FER: variants seen among roughly 807,000 people sequenced by gnomAD.
FER encodes tyrosine-protein kinase Fer.
In FER, 63 loss-of-function variants were observed where a neutral mutation model predicts 111.0. The ratio of observed to expected loss-of-function variants is 0.57; its 90% CI spans 0.46 to 0.70. The LOEUF (loss-of-function observed/expected upper bound fraction) is 0.70, where lower values mean the gene tolerates loss of function less well. Ranked by LOEUF, FER falls within the 30% of genes least tolerant of loss-of-function variation. The pLI, the probability that FER is intolerant of heterozygous loss-of-function variation, is 0.00. For synonymous variants in FER, 327 were observed against 313.9 expected (o/e 1.04, Z -0.44); for missense variants, 914 against 954.0 (o/e 0.96, Z 0.55).
At chr5:108,798,522 G>A in intron 3 of FER, 133 bp downstream of exon 3, 1 of 777,652 alleles carries the variant, frequency 1.3e-6, no homozygotes, top group Non-Finnish European at 2.1e-6. Flanking sequence ...TACAGAGTAT[G>A]AAAATCTCAT....
At chr5:108,892,674 A>G (rs1257245573) in intron 9 of FER, among the ~76,000 whole-genome samples, 1 of 152,130 alleles carries the variant, frequency 6.6e-6, no homozygotes, top group Non-Finnish European at 1.5e-5. Flanking sequence ...TAGTTTAATT[A>G]GATCCCGTTT....
rs896042253 is a variant in FER, at chr5:108,967,684, C to T, written c.1656+8337C>T. Among the ~76,000 whole-genome samples, 8 of 136,024 alleles carry T rather than the reference C, an allele frequency of 5.9e-5. No individual in the cohort carries two copies. In the South Asian group the frequency reaches 7.4e-4, roughly 13 times the overall value. 89.2% of individuals were successfully genotyped at this position (136,024 alleles called of 152,430 possible). On this transcript the variant is annotated intron_variant, in intron 13 of 19. Coordinates refer to ENST00000281092, the MANE Select transcript of FER (RefSeq NM_005246.4). ...CTAAGGCAGGAGAATCGCTTGAACC[C>T]GGGAGGTGGAGGCTGTAGTGAGCCA...
intron 13 of FER, among the ~76,000 whole-genome samples, chr5:109,023,826 G>C (rs1376319467): frequency 6.6e-6 from 1 of 152,082 alleles, no homozygotes; most frequent in Non-Finnish European, 1.5e-5. Context: ...GTTGTGGTTT[G>C]CTTAAAAGGA....
chr5:109,193,552 C>G lies in FER; in HGVS notation c.*5977C>G, dbSNP rs187286000. 1.3e-5 allele frequency: 2 copies of G among 152,156 alleles called. No individual in the cohort carries two copies. The highest frequency in any genetic ancestry group is 2.9e-5 in the Non-Finnish European group (2 of 67,968). 9.4% of individuals were successfully genotyped at this position (152,156 alleles called of 1,614,324 possible). A position where few individuals can be genotyped will look rare whatever the true frequency, so the allele number is the denominator to read the frequency against. ...GTGTTCTACAAAATAATGAACTGTT[C>G]TAAGTGACAGTGTTGATGCTGGAAG... On this transcript the variant is annotated 3_prime_UTR_variant, in exon 20 of 20. Transcript: ENST00000281092.
At chr5:109,171,368 C>G (rs1407624310) in intron 17 of FER, among the ~76,000 whole-genome samples, 1 of 152,180 alleles carries the variant, frequency 6.6e-6, no homozygotes, top group African/African-American at 2.4e-5. Flanking sequence ...TAGTCCAGAA[C>G]TTCCAACAAT....
intron 5 of FER, among the ~76,000 whole-genome samples, chr5:108,845,033 T>TATATATAC (rs1761834020): frequency 1.8e-5 from 1 of 54,474 alleles, no homozygotes; most frequent in Non-Finnish European, 3.5e-5. Context: ...TATATATATA[T>TATATATAC]ATATATACAT....
intron 13 of FER, among the ~76,000 whole-genome samples, chr5:109,026,616 G>A (rs1768776058): frequency 1.3e-5 from 2 of 152,064 alleles, no homozygotes; most frequent in African/African-American, 4.8e-5. Flanking sequence ...AATAGAGATA[G>A]CAAATATTTC....
chr5:109,002,692 A>T (rs1764953283), intron 13 of FER, among the ~76,000 whole-genome samples: 1 of 152,250 alleles, frequency 6.6e-6, no homozygotes, highest in African/African-American at 2.4e-5. Context: ...GGCAACCTAC[A>T]AAATGGGAGA....
chr5:108,779,545 G>C (rs1402113740), intron 2 of FER, among the ~76,000 whole-genome samples: 3 of 152,176 alleles, frequency 2.0e-5, no homozygotes, highest in Admixed American at 6.5e-5. Flanking sequence ...CATTTTGGAG[G>C]CTACCAATAT....
chr5:108,754,176 T>C (rs1224931487), intron 1 of FER, among the ~76,000 whole-genome samples: 1 of 152,094 alleles, frequency 6.6e-6, no homozygotes, highest in Non-Finnish European at 1.5e-5. Context: ...TTTGGGAGGC[T>C]GAAACGAGAG....
At chr5:108,852,721 G>C (rs1762648207) in intron 5 of FER, among the ~76,000 whole-genome samples, 1 of 152,200 alleles carries the variant, frequency 6.6e-6, no homozygotes, top group Middle Eastern at 3.4e-3. Context: ...TATATCAGCA[G>C]CTAACTTATG....
At chr5:108,765,301 C>G (rs921267446) in intron 1 of FER, among the ~76,000 whole-genome samples, 17 of 152,020 alleles carry the variant, frequency 1.1e-4, no homozygotes, top group African/African-American at 3.9e-4. Context: ...ACTTTTAACC[C>G]AAATCTTTTC....
Position 108,867,783 on chromosome 5 carries a change from G to C in FER, c.498G>C (p.Lys166Asn). The change falls in exon 6 of 20, where the codon AAG (lysine) becomes AAC (asparagine). Residue 166 changes from lysine to asparagine, a missense_variant. Coordinates refer to ENST00000281092, the MANE Select transcript of FER (RefSeq NM_005246.4). Reference sequence around the variant, plus strand: ...TTTTTTCAGGGAAGGAAACTGAAAAGGCCAAGGAACGATACGACAAAGCCA... The same window carrying C: ...TTTTTTCAGGGAAGGAAACTGAAAACGCCAAGGAACGATACGACAAAGCCA... ...EALAKGKETEKAKERYDKATM... is the reference protein window; with the variant it reads ...EALAKGKETENAKERYDKATM... 1.9e-6 allele frequency: 3 copies of C among 1,606,876 alleles called. No individual in the cohort carries two copies. Among genetic ancestry groups the C allele is most frequent in the Non-Finnish European group, 2.5e-6 (3 of 1,177,796 alleles).
intron 16 of FER, among the ~76,000 whole-genome samples, chr5:109,085,605 T>TGCAG (rs200349987): frequency 0.012 from 1,803 of 151,834 alleles, 17 homozygotes; most frequent in Non-Finnish European, 0.02. Flanking sequence ...AAGTAGTAAG[T>TGCAG]GCAGGCATCC....
intron 13 of FER, among the ~76,000 whole-genome samples, chr5:108,969,319 C>A (rs1299830436): frequency 6.6e-6 from 1 of 152,070 alleles, no homozygotes; most frequent in Non-Finnish European, 1.5e-5. Flanking sequence ...AATTATAGTA[C>A]CCTATCCAGT....
At position 108,961,937 on chromosome 5, in the gene FER, T is replaced by G. The variant is rs374298101; in HGVS notation, c.1656+2590T>G. 2.8e-4 allele frequency among the ~76,000 whole-genome samples: 43 copies of G among 152,356 alleles called. No individual in the cohort carries two copies. The South Asian group carries it at 8.9e-3, about 32-fold the overall frequency. ...ATTTCTGTCTTGCTAGACTTCATTT[T>G]TAGCCTAAAGAATTCCACTTTAGTT... On this transcript the variant is annotated intron_variant, in intron 13 of 19. Coordinates refer to ENST00000281092, the MANE Select transcript of FER (RefSeq NM_005246.4).
At chr5:108,829,730 T>C (rs147914220) in intron 3 of FER, among the ~76,000 whole-genome samples, 1 of 152,240 alleles carries the variant, frequency 6.6e-6, no homozygotes, top group East Asian at 1.9e-4. Flanking sequence ...TCTTTTTTCC[T>C]ACTTCTTCCC....
At chr5:108,938,024 T>TCACA (rs1160736106) in intron 10 of FER, among the ~76,000 whole-genome samples, 90 of 78,026 alleles carry the variant, frequency 1.2e-3, no homozygotes, top group African/African-American at 2.6e-3. Flanking sequence ...CCTATCTCTC[T>TCACA]CTCACACACA....
chr5:108,871,272 C>A (rs62360781), intron 6 of FER, 93 bp from the exon 7 acceptor site: 174 of 1,025,246 alleles, frequency 1.7e-4, no homozygotes, highest in Middle Eastern at 8.5e-4. Context: ...TTCAACATTA[C>A]ATTTCTTATG....
Sources: gnomAD v4.1 joint callset for allele counts (sites outside exome capture counted in the v4.1 genomes callset) on GRCh38, gnomAD v4.1.1 for gene constraint, MANE v1.5 for transcripts, NCBI Gene and HGNC (gene_info 2026-07-23, HGNC 2026-07-21) for gene names.